SGTB: variants seen among roughly 807,000 people sequenced by gnomAD.
SGTB encodes small glutamine rich tetratricopeptide repeat co-chaperone beta.
Under a neutral mutation model 43.9 loss-of-function variants are expected in SGTB, and 19 were observed. That is an observed-to-expected ratio of 0.43 (90% CI 0.30 to 0.63). The LOEUF is 0.63. Among genes scored for constraint, SGTB ranks in the 30% least tolerant of loss-of-function variants. The probability of loss-of-function intolerance (pLI) is 0.12; values close to 1 mark genes in which losing one functional copy is unlikely to be tolerated. For synonymous variants in SGTB, 116 were observed against 117.3 expected (o/e 0.99, Z 0.07); for missense variants, 304 against 358.9 (o/e 0.85, Z 1.24).
upstream of SGTB, chr5:65,722,962 A>T (rs1367903798): frequency 6.6e-6 from 1 of 152,552 alleles, no homozygotes; most frequent in Admixed American, 6.5e-5. Context: ...GTGCAAATTG[A>T]CTTGGCCCAA....
At position 65,671,102 on chromosome 5, in the gene SGTB, C is replaced by G. The variant is rs571185522; in HGVS notation, c.804-745G>C. ...ATTGCCTGAACATTAAAGTATGTAA[C>G]AAGTGATTTTAAACTATGTATGTGT... On this transcript the variant is annotated intron_variant, in intron 10 of 10. Coordinates refer to ENST00000381007, the MANE Select transcript of SGTB (RefSeq NM_019072.3). Among the ~76,000 whole-genome samples the G allele has an allele frequency of 1.0e-3, 152 of 152,284 alleles. No individual in the cohort carries two copies. In the Middle Eastern group the frequency reaches 0.014, roughly 14 times the overall value.
chr5:65,722,714 A>G, upstream of SGTB: 1 of 431,858 alleles, frequency 2.3e-6, no homozygotes, highest in Non-Finnish European at 4.2e-6. Context: ...TAGTTTGGAT[A>G]AGAAAATCAT....
At chr5:65,698,414 T>C (rs1269427589) in intron 5 of SGTB, among the ~76,000 whole-genome samples, 1 of 152,190 alleles carries the variant, frequency 6.6e-6, no homozygotes, top group African/African-American at 2.4e-5. Flanking sequence ...ACCCACATTT[T>C]ACAGATAGGG....
rs7727324 is a variant in SGTB at position 65,685,203 on chromosome 5, C to T, written c.479+165G>A. ...CAATCAAATCAGTCATCAATCATCT[C>T]ACTTCCTAGTCAAAGAAATTGTAGT... On this transcript the variant is annotated intron_variant, in intron 6 of 10. Coordinates refer to ENST00000381007, the MANE Select transcript of SGTB (RefSeq NM_019072.3). Among the ~76,000 whole-genome samples the T allele has an allele frequency of 7.9e-3, 1,204 of 152,322 alleles. 12 individuals carry two copies. The highest frequency in any genetic ancestry group is 0.028 in the African/African-American group (1,149 of 41,570).
intron 5 of SGTB, among the ~76,000 whole-genome samples, chr5:65,693,794 T>A (rs1379115891): frequency 3.3e-5 from 5 of 152,018 alleles, no homozygotes; most frequent in African/African-American, 1.2e-4. Flanking sequence ...AATAAACAAA[T>A]ACTATAATAA....
At position 65,666,095 on chromosome 5, in the gene SGTB, G is replaced by C. The variant is rs576285515; in HGVS notation, c.*4151C>G. The C allele has an allele frequency of 3.3e-5, 5 of 152,566 alleles. No individual in the cohort carries two copies. Among genetic ancestry groups the C allele is most frequent in the Non-Finnish European group, 7.4e-5 (5 of 67,978 alleles). 9.5% of individuals were successfully genotyped at this position (152,566 alleles called of 1,614,324 possible). ...TTGAAGTCTGTCTTTGTTTCAAAAT[G>C]ATTAAGATTAAATGATGAAATAATA... On this transcript the variant is annotated 3_prime_UTR_variant, in exon 11 of 11. Transcript: ENST00000381007.
chr5:65,679,364 C>T (rs1258258554), intron 8 of SGTB, among the ~76,000 whole-genome samples: 1 of 152,020 alleles, frequency 6.6e-6, no homozygotes, highest in Non-Finnish European at 1.5e-5. Context: ...GGCTCATGCC[C>T]GTAATCCCAG....
upstream of SGTB, chr5:65,722,403 A>G: frequency 6.3e-7 from 1 of 1,590,786 alleles, no homozygotes; most frequent in Non-Finnish European, 8.5e-7. Flanking sequence ...TGGCTGTGCG[A>G]AGCCTCCGCA....
At chr5:65,683,307 C>T (rs900470502) in intron 6 of SGTB, among the ~76,000 whole-genome samples, 6 of 152,222 alleles carry the variant, frequency 3.9e-5, no homozygotes, top group African/African-American at 7.2e-5. Context: ...CAGTTGAGAT[C>T]GAGAGCATCA....
intron 5 of SGTB, among the ~76,000 whole-genome samples, 175 bp downstream of exon 5, chr5:65,704,104 A>C (rs1579877799): frequency 6.6e-6 from 1 of 151,956 alleles, no homozygotes; most frequent in East Asian, 1.9e-4. Context: ...ATGCTAACAG[A>C]TTAATAACAG....
chr5:65,715,630 G>A (rs986158464), intron 2 of SGTB, among the ~76,000 whole-genome samples: 2 of 152,216 alleles, frequency 1.3e-5, no homozygotes, highest in African/African-American at 4.8e-5. Flanking sequence ...GAATAAAACA[G>A]AAAAGATCCC....
intron 8 of SGTB, among the ~76,000 whole-genome samples, chr5:65,675,983 T>C (rs535009502): frequency 5.9e-5 from 9 of 152,054 alleles, no homozygotes; most frequent in African/African-American, 1.4e-4. Context: ...AATTTACACA[T>C]AACAATACTA....
At chr5:65,701,687 C>T (rs1757826157) in intron 5 of SGTB, among the ~76,000 whole-genome samples, 1 of 143,378 alleles carries the variant, frequency 7.0e-6, no homozygotes, top group Admixed American at 7.3e-5. Flanking sequence ...GGCTGGAGTG[C>T]AGTGGCGCCA....
intron 8 of SGTB, among the ~76,000 whole-genome samples, chr5:65,677,052 A>G (rs1244950671): frequency 1.3e-5 from 2 of 151,712 alleles, no homozygotes; most frequent in African/African-American, 4.8e-5. Context: ...TAGTTTTTTG[A>G]TAAAATTAAT....
At chr5:65,686,629 G>A (rs774225328) in intron 5 of SGTB, among the ~76,000 whole-genome samples, 42 of 152,058 alleles carry the variant, frequency 2.8e-4, no homozygotes, top group Non-Finnish European at 3.8e-4. Context: ...TAAGAGCTGG[G>A]ATTACAGGCA....
At position 65,697,938 on chromosome 5, in the gene SGTB, G is replaced by A. The variant is rs145454708; in HGVS notation, c.374+6341C>T. Among the ~76,000 whole-genome samples the A allele has an allele frequency of 3.3e-3, 503 of 152,236 alleles. 2 individuals carry two copies. Among genetic ancestry groups the A allele is most frequent in the African/African-American group, 0.011 (460 of 41,536 alleles). Reference sequence around the variant, plus strand: ...CATGGTTGAATCTCAAAACCGTTACGCTGAGCAAATAAAGTCTTGCACAGA... The same window carrying A: ...CATGGTTGAATCTCAAAACCGTTACACTGAGCAAATAAAGTCTTGCACAGA... On this transcript the variant is annotated intron_variant, in intron 5 of 10. Transcript: ENST00000381007.
At chr5:65,685,103 G>A (rs952759845) in intron 6 of SGTB, among the ~76,000 whole-genome samples, 2 of 152,130 alleles carry the variant, frequency 1.3e-5, no homozygotes, top group African/African-American at 4.8e-5. Flanking sequence ...AAAAATAATA[G>A]AACTGTCTGC....
At chr5:65,701,076 C>G (rs1757807594) in intron 5 of SGTB, among the ~76,000 whole-genome samples, 1 of 146,822 alleles carries the variant, frequency 6.8e-6, no homozygotes. Context: ...CTAAAACCAA[C>G]CGACAGAAGC....
At chr5:65,693,667 C>T (rs1456298623) in intron 5 of SGTB, among the ~76,000 whole-genome samples, 1 of 152,118 alleles carries the variant, frequency 6.6e-6, no homozygotes, top group Non-Finnish European at 1.5e-5. Flanking sequence ...ATTCAGCTGA[C>T]TTTTGTGGAA....
Sources: gnomAD v4.1 joint callset for allele counts (sites outside exome capture counted in the v4.1 genomes callset) on GRCh38, gnomAD v4.1.1 for gene constraint, MANE v1.5 for transcripts, NCBI Gene and HGNC (gene_info 2026-07-23, HGNC 2026-07-21) for gene names.